Variants in MCUB observed in about 807,000 individuals in gnomAD.
MCUB encodes calcium uniporter regulatory subunit MCUb, mitochondrial.
In MCUB, 46 loss-of-function variants were observed where a neutral mutation model predicts 41.4. The ratio of observed to expected loss-of-function variants is 1.11; its 90% confidence interval spans 0.88 to 1.42. The LOEUF is 1.42. Ranked by LOEUF, MCUB falls within the 40% of genes most tolerant of loss-of-function variation. MCUB has a pLI of 0.00. For missense variants in MCUB, 403 were observed against 404.9 expected, an observed-to-expected ratio of 1.00 and a Z score of 0.04; for synonymous variants, 148 against 148.2, an observed-to-expected ratio of 1.00 and a Z score of 0.01.
chr4:109,598,642 G>C (rs1376439603), intron 1 of MCUB, among the ~76,000 whole-genome samples: 2 of 151,974 alleles, frequency 1.3e-5, no homozygotes, highest in African/African-American at 4.8e-5. Flanking sequence ...GAGAGGGAGA[G>C]CTGGATTTCA....
At chr4:109,600,570 C>G (rs1166996253) in intron 1 of MCUB, among the ~76,000 whole-genome samples, 1 of 152,102 alleles carries the variant, frequency 6.6e-6, no homozygotes, top group Non-Finnish European at 1.5e-5. Flanking sequence ...CCACACTGAC[C>G]TAAATGGGGT....
intron 1 of MCUB, among the ~76,000 whole-genome samples, chr4:109,612,315 G>A (rs1728028616): frequency 7.2e-6 from 1 of 138,216 alleles, no homozygotes. Context: ...CACCCAGGCT[G>A]GAGTGCAGTG....
intron 1 of MCUB, among the ~76,000 whole-genome samples, chr4:109,600,063 T>C (rs780465073): frequency 3.3e-5 from 5 of 152,232 alleles, no homozygotes; most frequent in Non-Finnish European, 7.3e-5. Context: ...ATCAGAAAAC[T>C]GTTTGTTGGA....
At chr4:109,639,948 G>C (rs1258862118) in intron 1 of MCUB, among the ~76,000 whole-genome samples, 1 of 152,212 alleles carries the variant, frequency 6.6e-6, no homozygotes, top group Non-Finnish European at 1.5e-5. Flanking sequence ...ACGTGCGTTT[G>C]TATGAAGAGA....
chr4:109,659,281 A>G (rs201496309), intron 2 of MCUB, among the ~76,000 whole-genome samples, 195 bp downstream of exon 2: 6 of 618 alleles, frequency 9.7e-3, no homozygotes, highest in Non-Finnish European at 0.017. Context: ...CCCACCTCAG[A>G]ATCAGAGGAG....
At chr4:109,680,001 C>T (rs1729680458) in intron 4 of MCUB, among the ~76,000 whole-genome samples, 2 of 152,060 alleles carry the variant, frequency 1.3e-5, no homozygotes, top group African/African-American at 2.4e-5. Context: ...GGGGTTTCAC[C>T]CTGTTGGCCA....
intron 1 of MCUB, among the ~76,000 whole-genome samples, chr4:109,612,843 ACG>A (rs1728042867): frequency 6.6e-6 from 1 of 152,096 alleles, no homozygotes; most frequent in Admixed American, 6.6e-5. Flanking sequence ...GCGGTGTCTC[ACG>A]CCTGTAATCC....
At chr4:109,577,120 G>A (rs1340370403) in intron 1 of MCUB, among the ~76,000 whole-genome samples, 1 of 152,178 alleles carries the variant, frequency 6.6e-6, no homozygotes, top group Non-Finnish European at 1.5e-5. Context: ...CCAAAGTGCT[G>A]GGATTACAGG....
chr4:109,678,142 A>G (rs1052440994), intron 4 of MCUB, among the ~76,000 whole-genome samples: 2 of 152,100 alleles, frequency 1.3e-5, no homozygotes, highest in African/African-American at 4.8e-5. Flanking sequence ...GGGTAAGGTT[A>G]TAGATTAACA....
At chr4:109,630,564 C>T (rs1034490007) in intron 1 of MCUB, among the ~76,000 whole-genome samples, 3 of 142,874 alleles carry the variant, frequency 2.1e-5, no homozygotes, top group African/African-American at 7.3e-5. Context: ...CTGCAAAATT[C>T]TGTTTTTTGT....
intron 1 of MCUB, among the ~76,000 whole-genome samples, chr4:109,615,964 C>T (rs1216919591): frequency 6.6e-6 from 1 of 152,156 alleles, no homozygotes; most frequent in Non-Finnish European, 1.5e-5. Flanking sequence ...TGTGCACCAT[C>T]ATGTTCATTT....
intron 1 of MCUB, among the ~76,000 whole-genome samples, chr4:109,577,767 C>T (rs1405029798): frequency 1.2e-5 from 1 of 81,586 alleles, no homozygotes; most frequent in Non-Finnish European, 2.6e-5. Context: ...CCCGCCACCT[C>T]GCCCGGCTAA....
intron 1 of MCUB, among the ~76,000 whole-genome samples, chr4:109,627,210 C>T (rs952232755): frequency 6.7e-6 from 1 of 150,128 alleles, no homozygotes; most frequent in Non-Finnish European, 1.5e-5. Context: ...AATCCTAATT[C>T]TTCACTTTTT....
chr4:109,672,432 A>C (rs1229290805), intron 4 of MCUB, among the ~76,000 whole-genome samples: 1 of 152,218 alleles, frequency 6.6e-6, no homozygotes, highest in Non-Finnish European at 1.5e-5. Context: ...AGTGTCCAGC[A>C]ATTCACCAAT....
At chr4:109,569,497 C>CTTTTTTT (rs35808519) in intron 1 of MCUB, among the ~76,000 whole-genome samples, 34 of 87,188 alleles carry the variant, frequency 3.9e-4, no homozygotes, top group African/African-American at 4.5e-4. Context: ...TTGGCTATCC[C>CTTTTTTT]TTTTTTTTTT....
chr4:109,599,439 A>C (rs1427928875), intron 1 of MCUB, among the ~76,000 whole-genome samples: 3 of 152,012 alleles, frequency 2.0e-5, no homozygotes, highest in Admixed American at 6.6e-5. Context: ...TCAGCTCCAA[A>C]GTATGTGGTT....
At chr4:109,622,809 A>G (rs1728278724) in intron 1 of MCUB, among the ~76,000 whole-genome samples, 1 of 151,944 alleles carries the variant, frequency 6.6e-6, no homozygotes, top group Non-Finnish European at 1.5e-5. Context: ...TTGAATTTTG[A>G]TCTGTTCCTG....
rs369006384 is a variant in MCUB at position 109,575,381 on chromosome 4, CTGTT to C, written c.99+14950_99+14953del. On this transcript the variant is annotated intron_variant, in intron 1 of 7. Transcript: ENST00000394650. Reference sequence around the variant, plus strand: ...CTGTAAAAGGTCATTGGGGGTTAGACTGTTTGTTGTGAGGTTTTGCCTGAAACCA... The same window carrying C: ...CTGTAAAAGGTCATTGGGGGTTAGACTGTTGTGAGGTTTTGCCTGAAACCA... Among the ~76,000 whole-genome samples, 370 of 152,322 alleles carry C rather than the reference CTGTT, an allele frequency of 2.4e-3. 1 individual carries two copies. The highest frequency in any genetic ancestry group is 8.3e-3 in the African/African-American group (345 of 41,570).
At chr4:109,636,709 C>A (rs953325081) in intron 1 of MCUB, among the ~76,000 whole-genome samples, 1 of 152,190 alleles carries the variant, frequency 6.6e-6, no homozygotes, top group African/African-American at 2.4e-5. Context: ...GTGGTGCCCA[C>A]CTGTAATCCC....
Sources: allele counts gnomAD v4.1 joint callset (sites outside exome capture counted in the v4.1 genomes callset), GRCh38; gene constraint gnomAD v4.1.1; transcripts MANE v1.5; gene names NCBI Gene and HGNC (gene_info 2026-07-23, HGNC 2026-07-21).